Variants in ARID4B observed in about 807,000 individuals in gnomAD.
ARID4B encodes AT-rich interaction domain 4B.
A neutral mutation model predicts 147.5 loss-of-function variants in ARID4B; 26 were observed. That is an observed-to-expected ratio of 0.18 (90% CI 0.13 to 0.24). The LOEUF is 0.24. Among genes scored for constraint, ARID4B ranks in the 10% least tolerant of loss-of-function variants. The probability of loss-of-function intolerance (pLI) is 1.00; values close to 1 mark genes in which losing one functional copy is unlikely to be tolerated. For missense variants in ARID4B, 1,179 were observed against 1,511.5 expected (o/e 0.78, Z 3.65); for synonymous variants, 512 against 507.9 (o/e 1.01, Z -0.11).
intron 2 of ARID4B, among the ~76,000 whole-genome samples, chr1:235,283,085 T>C (rs1453497078): frequency 6.6e-6 from 1 of 152,224 alleles, no homozygotes; most frequent in East Asian, 1.9e-4. Context: ...CGATACTACT[T>C]CATTTTATAA....
Position 235,182,262 on chromosome 1 carries a change from C to T in ARID4B, c.2657G>A (p.Arg886Lys), listed in dbSNP as rs373402838. 1.7e-4 allele frequency: 281 copies of T among 1,612,608 alleles called. No homozygotes were observed. The highest frequency in any genetic ancestry group is 2.1e-4 in the Non-Finnish European group (252 of 1,179,712). The change falls in exon 20 of 24, where the codon AGA becomes AAA. Residue 886 changes from arginine to lysine, a missense_variant. Arg to Lys is a conservative substitution (Grantham distance 26). Around this residue, in one of 10 missense-constraint regions of ARID4B, gnomAD observed 321 missense variants for 342.4 expected, o/e 0.94. Transcript: ENST00000264183. ...TKKYNGLEEK[R>K]KSLRTTGFYS... is the part of the protein sequence containing the mutation. ...GAAACCAGTTGTCCGTAGAGATTTT[C>T]TTTTTTCCTCCAAACCATTGTATTT... is the stretch of plus-strand genomic sequence containing the variant.
At chr1:235,188,563 C>T (rs961851003) in intron 19 of ARID4B, among the ~76,000 whole-genome samples, 1 of 152,176 alleles carries the variant, frequency 6.6e-6, no homozygotes, top group Non-Finnish European at 1.5e-5. Flanking sequence ...ATGCTAACAA[C>T]TGTTGAAGGC....
chr1:235,237,890 CCT>C (rs1444486882), intron 8 of ARID4B, among the ~76,000 whole-genome samples: 5 of 152,076 alleles, frequency 3.3e-5, no homozygotes, highest in African/African-American at 1.2e-4. Flanking sequence ...CTGGCTCATG[CCT>C]GTAATCCCAA....
In ARID4B at chr1:235,167,710, A is replaced by C. The variant is rs1663054821; in HGVS notation, c.*815T>G. On this transcript the variant is annotated 3_prime_UTR_variant, in exon 24 of 24. Transcript: ENST00000264183. ...GAAAACACAAAAATATAACTGTTAT[A>C]ATTCATTATGAATAAATATACACTT... 5.0e-6 allele frequency: 1 copy of C among 199,596 alleles called. No homozygotes were observed. The highest frequency in any genetic ancestry group is 1.9e-4 in the South Asian group (1 of 5,226). 12.4% of individuals were successfully genotyped at this position (199,596 alleles called of 1,614,324 possible).
chr1:235,226,949 A>G (rs1042301248), intron 11 of ARID4B, among the ~76,000 whole-genome samples: 6 of 152,156 alleles, frequency 3.9e-5, no homozygotes, highest in African/African-American at 1.4e-4. Flanking sequence ...GATTACAGGC[A>G]TGACCCACCG....
rs771844191 is a variant in ARID4B at position 235,175,176 on chromosome 1, T to C, written c.3664+8A>G. On this transcript the variant is annotated splice_region_variant and intron_variant, in intron 22 of 23. Coordinates refer to ENST00000264183, the MANE Select transcript of ARID4B (RefSeq NM_016374.6). Reference sequence around the variant, plus strand: ...TTTGTATGCTTGTCAATTTAACATGTCACTTACACATCTGAAAACTCCATT... The same window carrying C: ...TTTGTATGCTTGTCAATTTAACATGCCACTTACACATCTGAAAACTCCATT... The C allele has an allele frequency of 1.2e-6, 2 of 1,607,136 alleles. No individual in the cohort carries two copies. Among genetic ancestry groups the C allele is most frequent in the Non-Finnish European group, 1.7e-6 (2 of 1,173,816 alleles).
At chr1:235,311,585 C>A (rs1032759714) in intron 2 of ARID4B, among the ~76,000 whole-genome samples, 1 of 151,696 alleles carries the variant, frequency 6.6e-6, no homozygotes, top group African/African-American at 2.4e-5. Context: ...ACCAGCCTGG[C>A]CAACGTGGCA....
chr1:235,301,168 G>C (rs1475213351), intron 2 of ARID4B, among the ~76,000 whole-genome samples: 1 of 150,340 alleles, frequency 6.7e-6, no homozygotes, highest in Non-Finnish European at 1.5e-5. Flanking sequence ...TTATAGGCGT[G>C]AGCCACCACA....
intron 20 of ARID4B, among the ~76,000 whole-genome samples, chr1:235,179,068 C>G (rs1010454335): frequency 6.6e-6 from 1 of 152,032 alleles, no homozygotes; most frequent in African/African-American, 2.4e-5. Flanking sequence ...GAGTTTAATT[C>G]TAAAGTGTTC....
chr1:235,171,323 C>G (rs1571883886), intron 23 of ARID4B, among the ~76,000 whole-genome samples: 1 of 151,952 alleles, frequency 6.6e-6, no homozygotes, highest in East Asian at 2.0e-4. Flanking sequence ...ATCCCAGCCA[C>G]TCGGGAGACT....
rs1162490390 is a variant in ARID4B, at chr1:235,260,746, C to T, written c.13G>A (p.Asp5Asn). Residue 5 changes from aspartate to asparagine, a missense_variant, in exon 3 of 24, where the codon GAT becomes AAT. Physicochemically the swap from Asp to Asn is conservative, Grantham distance 23. Transcript: ENST00000264183. ...CCCACTGTCAAATAGGGAGGCTCATCAAGGGCCTAAAAATGCAAAGAAATA... is the reference window on the plus strand; with the variant it reads ...CCCACTGTCAAATAGGGAGGCTCATTAAGGGCCTAAAAATGCAAAGAAATA... MKALDEPPYLTVGTD... is the reference protein window; with the variant it reads MKALNEPPYLTVGTD... The T allele has an allele frequency of 6.2e-7, 1 of 1,600,940 alleles. No homozygotes were observed. Among genetic ancestry groups the T allele is most frequent in the Non-Finnish European group, 8.5e-7 (1 of 1,173,920 alleles).
At chr1:235,202,699 G>A (rs1198182123) in intron 17 of ARID4B, among the ~76,000 whole-genome samples, 3 of 151,820 alleles carry the variant, frequency 2.0e-5, no homozygotes, top group African/African-American at 4.8e-5. Context: ...ACAGGTGTGT[G>A]CCACCACGTC....
intron 17 of ARID4B, among the ~76,000 whole-genome samples, chr1:235,210,893 T>A (rs1666674184): frequency 6.6e-6 from 1 of 152,210 alleles, no homozygotes. Flanking sequence ...TTCTACCATC[T>A]AAAATCAAAA....
chr1:235,181,594 G>T lies in ARID4B; in HGVS notation c.3325C>A (p.Pro1109Thr). 6.2e-7 allele frequency: 1 copy of T among 1,610,446 alleles called. No homozygotes were observed. The highest frequency in any genetic ancestry group is 1.1e-5 in the South Asian group (1 of 90,474). ...SSSNQPEPEH[P>T]EKACTGQKRV... Reference sequence around the variant, plus strand: ...ACATTTTCCTTCTCACCTTTTTCAGGATGTTCTGGTTCTGGCTGATTACTA... The same window carrying T: ...ACATTTTCCTTCTCACCTTTTTCAGTATGTTCTGGTTCTGGCTGATTACTA... Residue 1109 changes from proline (P) to threonine (T), a missense_variant, in exon 20 of 24, where the codon CCT becomes ACT. Physicochemically the swap from Pro to Thr is conservative, Grantham distance 38. Coordinates refer to ENST00000264183, the MANE Select transcript of ARID4B (RefSeq NM_016374.6).
chr1:235,282,900 C>T (rs1671751211), intron 2 of ARID4B, among the ~76,000 whole-genome samples: 1 of 152,174 alleles, frequency 6.6e-6, no homozygotes, highest in Admixed American at 6.5e-5. Flanking sequence ...CCTGCCTCAG[C>T]CTCCCGAGTA....
intron 19 of ARID4B, chr1:235,187,077 C>CTTTTT (rs11335836): frequency 1.1e-4 from 30 of 267,222 alleles, no homozygotes; most frequent in Admixed American, 1.8e-4. Flanking sequence ...GCATCTTATT[C>CTTTTT]TTTTTTTTTT....
intron 2 of ARID4B, among the ~76,000 whole-genome samples, chr1:235,292,822 G>C (rs1036858921): frequency 6.6e-6 from 1 of 152,052 alleles, no homozygotes; most frequent in African/African-American, 2.4e-5. Flanking sequence ...TAACAGAACA[G>C]GTACAACATG....
At chr1:235,207,218 T>C (rs970339017) in intron 17 of ARID4B, among the ~76,000 whole-genome samples, 6 of 152,106 alleles carry the variant, frequency 3.9e-5, no homozygotes, top group African/African-American at 1.4e-4. Flanking sequence ...GGAAGAGATG[T>C]TGGGGATGTG....
At chr1:235,265,762 C>A (rs917686244) in intron 2 of ARID4B, among the ~76,000 whole-genome samples, 1 of 151,986 alleles carries the variant, frequency 6.6e-6, no homozygotes, top group Non-Finnish European at 1.5e-5. Context: ...TCAAATCTAT[C>A]CCTTAGTAGT....
Sources: gnomAD v4.1 joint callset for allele counts (sites outside exome capture counted in the v4.1 genomes callset) on GRCh38, gnomAD v4.1.1 for gene constraint, gnomAD v4.1.1 regional missense constraint, MANE v1.5 for transcripts, NCBI Gene and HGNC (gene_info 2026-07-23, HGNC 2026-07-21) for gene names.